PAK3: variants seen among roughly 807,000 people sequenced by gnomAD.
The protein encoded by PAK3 is serine/threonine-protein kinase PAK 3.
A neutral mutation model predicts 41.0 loss-of-function variants in PAK3; 4 were observed. That is an observed-to-expected ratio of 0.10 (90% CI 0.05 to 0.22). The LOEUF is 0.22. PAK3 is among the 10% of genes least tolerant of loss of function. The probability of loss-of-function intolerance (pLI) is 1.00; values close to 1 mark genes in which losing one functional copy is unlikely to be tolerated. For synonymous variants in PAK3, 146 were observed against 139.6 expected, an observed-to-expected ratio of 1.05 and a Z score of -0.32; for missense variants, 205 against 409.9, an observed-to-expected ratio of 0.50 and a Z score of 4.32.
intron 1 of PAK3, among the ~76,000 whole-genome samples, chrX:111,077,488 G>A (rs775559908): frequency 9.0e-5 from 10 of 111,592 alleles, no homozygotes; most frequent in Non-Finnish European, 1.7e-4. Flanking sequence ...AGAATGAACA[G>A]CCAAGCAATA....
intron 1 of PAK3, among the ~76,000 whole-genome samples, chrX:110,974,417 T>C (rs1293537928): frequency 1.8e-5 from 2 of 111,636 alleles, no homozygotes; most frequent in Non-Finnish European, 3.8e-5. Context: ...CAGGAAGAAG[T>C]TGAATCTCTG....
chrX:111,074,109 A>G (rs893328371), intron 1 of PAK3, among the ~76,000 whole-genome samples: 2 of 112,359 alleles, frequency 1.8e-5, no homozygotes, highest in African/African-American at 6.5e-5. Context: ...CAAAAACCAT[A>G]TGATCATTTC....
At position 111,110,914 on chromosome X, in the gene PAK3, A is replaced by G. The variant is rs768735708; in HGVS notation, c.-28+7608A>G. Among the ~76,000 whole-genome samples, 399 of 111,877 alleles carry G rather than the reference A, an allele frequency of 3.6e-3. 2 individuals carry two copies. The highest frequency in any genetic ancestry group is 0.012 in the African/African-American group (378 of 30,818). On this transcript the variant is annotated intron_variant, in intron 4 of 17. Transcript: ENST00000372007. Reference sequence around the variant, plus strand: ...TCTCATAGCCAAACATTCACCTTGAAGCACTCTTCTCTTGGTTTCTATGAC... The same window carrying G: ...TCTCATAGCCAAACATTCACCTTGAGGCACTCTTCTCTTGGTTTCTATGAC...
At chrX:111,042,947 T>G (rs1255930160) in intron 1 of PAK3, among the ~76,000 whole-genome samples, 1 of 111,822 alleles carries the variant, frequency 8.9e-6, no homozygotes, top group Non-Finnish European at 1.9e-5. Flanking sequence ...CACTCCATAC[T>G]TCACTCACGG....
chrX:111,037,001 G>A (rs1465364149), intron 1 of PAK3, among the ~76,000 whole-genome samples: 2 of 111,833 alleles, frequency 1.8e-5, no homozygotes, highest in African/African-American at 6.5e-5. Context: ...CAGGAGTGCA[G>A]TGGCATGATC....
chrX:111,011,833 A>T (rs748313482), intron 1 of PAK3, among the ~76,000 whole-genome samples: 24 of 112,626 alleles, frequency 2.1e-4, no homozygotes, highest in South Asian at 1.9e-3. Context: ...ATGTTTCTCT[A>T]CAGCTTGGCT....
At chrX:111,143,094 A>T (rs1014940570) in intron 6 of PAK3, among the ~76,000 whole-genome samples, 3 of 110,995 alleles carry the variant, frequency 2.7e-5, no homozygotes, top group African/African-American at 9.8e-5. Flanking sequence ...ACTCCATCAA[A>T]ATGTACATTC....
At chrX:110,959,532 G>T (rs1032980125) in intron 1 of PAK3, among the ~76,000 whole-genome samples, 28 of 111,876 alleles carry the variant, frequency 2.5e-4, no homozygotes, top group Non-Finnish European at 3.9e-4. Flanking sequence ...CACCTGGGGA[G>T]TTTTTTAACG....
In PAK3 at chrX:111,220,548, G is replaced by A; in HGVS notation, c.*101G>A. On this transcript the variant is annotated 3_prime_UTR_variant, in exon 18 of 18. Coordinates refer to ENST00000372007, the MANE Select transcript of PAK3 (RefSeq NM_002578.5). ...GAAAAGACAGTCAAATGGGGTGGGG[G>A]TTCTTTACCTTTCAAATGAATAGAA... 1.8e-6 allele frequency: 1 copy of A among 557,780 alleles called. No homozygotes were observed. Among genetic ancestry groups the A allele is most frequent in the Non-Finnish European group, 3.2e-6 (1 of 317,255 alleles). 46.0% of individuals were successfully genotyped at this position (557,780 alleles called of 1,213,427 possible).
rs185738596 is a variant in PAK3 at position 111,214,801 on chromosome X, C to T, written c.1408-1620C>T. Among the ~76,000 whole-genome samples the T allele has an allele frequency of 1.8e-3, 202 of 110,908 alleles. 1 individual carries two copies. The highest frequency in any genetic ancestry group is 6.0e-3 in the African/African-American group (184 of 30,442). The stretch of plus-strand genomic sequence containing the variant: ...CTGCAAAAGGACTTTTACAGAAATA[C>T]CTATAATAATAATAATAGAAGCTAG... On this transcript the variant is annotated intron_variant, in intron 16 of 17. Transcript: ENST00000372007.
chrX:111,181,073 A>G (rs2094457331), intron 11 of PAK3, among the ~76,000 whole-genome samples: 1 of 111,507 alleles, frequency 9.0e-6, no homozygotes, highest in African/African-American at 3.3e-5. Context: ...CTTATTTGGG[A>G]TTATAGTCGT....
intron 1 of PAK3, among the ~76,000 whole-genome samples, chrX:111,017,617 G>A (rs539902189): frequency 1.8e-5 from 2 of 111,507 alleles, no homozygotes; most frequent in South Asian, 3.7e-4. Flanking sequence ...TTTAAAGGAA[G>A]AAAAGCCAAG....
At chrX:111,088,814 C>T (rs1394981021) in intron 1 of PAK3, among the ~76,000 whole-genome samples, 1 of 111,932 alleles carries the variant, frequency 8.9e-6, no homozygotes, top group Non-Finnish European at 1.9e-5. Context: ...CCTTTTACAA[C>T]TGCCGTGTGA....
chrX:110,983,292 G>T (rs1244789133), intron 1 of PAK3, among the ~76,000 whole-genome samples: 1 of 111,224 alleles, frequency 9.0e-6, no homozygotes, highest in Non-Finnish European at 1.9e-5. Flanking sequence ...TCTGTTTCAT[G>T]CTACAAGTAC....
rs192395489 is a variant in PAK3, at chrX:111,195,741, C to A, written c.1111-101C>A. ...GCATTCAGTAATCGATTTCACTTGA[C>A]AATATAAAGTTATATCCCTGCCCAA... On this transcript the variant is annotated intron_variant, in intron 14 of 17. Transcript: ENST00000372007. The A allele has an allele frequency of 4.4e-5, 24 of 549,396 alleles. No homozygotes were observed. In the East Asian group the frequency reaches 8.4e-4, roughly 19 times the overall value. The allele number at this position is 549,396 out of a possible 1,213,427, so 45.3% of individuals were successfully genotyped here.
chrX:110,959,748 A>G (rs1255389103), intron 1 of PAK3, among the ~76,000 whole-genome samples: 2 of 111,576 alleles, frequency 1.8e-5, no homozygotes, highest in Admixed American at 1.9e-4. Flanking sequence ...TGGGTTGCAC[A>G]TTCTACAGAG....
At chrX:111,037,345 T>C (rs1405230518) in intron 1 of PAK3, among the ~76,000 whole-genome samples, 1 of 112,070 alleles carries the variant, frequency 8.9e-6, no homozygotes, top group Non-Finnish European at 1.9e-5. Context: ...GCTTACTGAC[T>C]CCCTACAAAT....
At position 111,224,006 on chromosome X, in the gene PAK3, G is replaced by A. The variant is rs2094940611; in HGVS notation, c.*3559G>A. The A allele has an allele frequency of 1.8e-5, 2 of 111,707 alleles. No individual in the cohort carries two copies. Among genetic ancestry groups the A allele is most frequent in the African/African-American group, 6.5e-5 (2 of 30,758 alleles). The allele number at this position is 111,707 out of a possible 1,213,427, so 9.2% of individuals were successfully genotyped here. On this transcript the variant is annotated 3_prime_UTR_variant, in exon 18 of 18. Coordinates refer to ENST00000372007, the MANE Select transcript of PAK3 (RefSeq NM_002578.5). The stretch of plus-strand genomic sequence containing the variant: ...CTTTACAATAAATAAACAGCAGAAA[G>A]GGAACTATAGACACATAGAAAAGAT...
chrX:111,087,536 T>G (rs1326358730), intron 1 of PAK3, among the ~76,000 whole-genome samples: 1 of 110,430 alleles, frequency 9.1e-6, no homozygotes, highest in Non-Finnish European at 1.9e-5. Flanking sequence ...GCCAATCCTG[T>G]GTGCACATAT....
Sources: gnomAD v4.1 joint callset for allele counts (sites outside exome capture counted in the v4.1 genomes callset) on GRCh38, gnomAD v4.1.1 for gene constraint, MANE v1.5 for transcripts, NCBI Gene and HGNC (gene_info 2026-07-23, HGNC 2026-07-21) for gene names.